DSCC1: variants seen among roughly 807,000 people sequenced by gnomAD.
DSCC1 encodes the protein sister chromatid cohesion protein DCC1.
In DSCC1, 32 loss-of-function variants were observed where a neutral mutation model predicts 48.2. The observed-to-expected ratio is 0.66, with a 90% CI of 0.50 to 0.89. The LOEUF is 0.89. Ranked by LOEUF, DSCC1 falls within the 40% of genes least tolerant of loss-of-function variation. The pLI is 0.00. For synonymous variants in DSCC1, 150 were observed against 171.5 expected, an observed-to-expected ratio of 0.87 and a Z score of 0.98; for missense variants, 421 against 471.7, an observed-to-expected ratio of 0.89 and a Z score of 1.00.
chr8:119,842,644 C>G (rs1826789939), intron 6 of DSCC1, 132 bp downstream of exon 6: 1 of 748,862 alleles, frequency 1.3e-6, no homozygotes, highest in African/African-American at 1.9e-5. Flanking sequence ...CTGCAGCCTT[C>G]CAAAGTGCTG....
At chr8:119,850,646 G>T (rs958237432) in intron 2 of DSCC1, 130 bp from the exon 3 acceptor site, 1 of 777,288 alleles carries the variant, frequency 1.3e-6, no homozygotes, top group Non-Finnish European at 1.9e-6. Context: ...TTTGTATCAG[G>T]AAGGTATTTA....
chr8:119,839,094 C>G (rs1826729963), intron 7 of DSCC1: 1 of 152,204 alleles, frequency 6.6e-6, no homozygotes, highest in Non-Finnish European at 1.5e-5. Flanking sequence ...CTCTCCATCC[C>G]TGACATCAGT....
chr8:119,846,970 ATAG>A lies in DSCC1; in HGVS notation c.577+17_577+19del. On this transcript the variant is annotated intron_variant, in intron 4 of 8. Transcript: ENST00000313655. ...GATGCCCAATTTCATCATTGTTAAA[ATAG>A]TAGTAAGTAACGCTACCTCCAATCT... 1 of 1,609,022 alleles carries A rather than the reference ATAG, an allele frequency of 6.2e-7. No individual in the cohort carries two copies. Among genetic ancestry groups the A allele is most frequent in the Middle Eastern group, 1.7e-4 (1 of 6,034 alleles).
chr8:119,843,119 A>T (rs867129133), intron 5 of DSCC1, among the ~76,000 whole-genome samples: 93 of 139,680 alleles, frequency 6.7e-4, no homozygotes, highest in South Asian at 2.0e-3. Context: ...GTTTTATTTT[A>T]TTTTTTTTTT....
chr8:119,847,944 C>G (rs1427428138), intron 3 of DSCC1, among the ~76,000 whole-genome samples: 3 of 151,726 alleles, frequency 2.0e-5, no homozygotes, highest in Admixed American at 2.0e-4. Context: ...GGATTACAGG[C>G]GTGAGCCACC....
Position 119,853,994 on chromosome 8 carries a change from G to A in DSCC1, c.183-779C>T, listed in dbSNP as rs76535715. On this transcript the variant is annotated intron_variant, in intron 1 of 8. Coordinates refer to ENST00000313655, the MANE Select transcript of DSCC1 (RefSeq NM_024094.3). ...GGAGGCTGAGGCCAGAAGATCGCTC[G>A]AGAGCAGGAGTTTGAGACCAGCCTG... 6.8e-3 allele frequency among the ~76,000 whole-genome samples: 1,038 copies of A among 152,276 alleles called. 8 individuals carry two copies. The highest frequency in any genetic ancestry group is 0.011 in the Non-Finnish European group (751 of 68,034).
chr8:119,855,049 T>A (rs1195058833), intron 1 of DSCC1, among the ~76,000 whole-genome samples: 1 of 152,098 alleles, frequency 6.6e-6, no homozygotes, highest in African/African-American at 2.4e-5. Context: ...AAGACTGCCT[T>A]TAAAAAACTA....
intron 3 of DSCC1, among the ~76,000 whole-genome samples, chr8:119,848,916 G>A (rs796387521): frequency 1.3e-5 from 2 of 151,994 alleles, no homozygotes; most frequent in African/African-American, 2.4e-5. Context: ...CGGGCGCGGT[G>A]GCTCAAGCCT....
chr8:119,835,190 T>G (rs901250023), intron 8 of DSCC1, among the ~76,000 whole-genome samples, 189 bp from the exon 9 acceptor site: 2 of 152,116 alleles, frequency 1.3e-5, no homozygotes, highest in Non-Finnish European at 2.9e-5. Flanking sequence ...ATTATATGTA[T>G]TGTCTCATTT....
rs1826651435 is a variant in DSCC1, at chr8:119,834,804, A to G, written c.*89T>C. The G allele has an allele frequency of 2.2e-6, 2 of 889,898 alleles. No homozygotes were observed. The highest frequency in any genetic ancestry group is 2.5e-5 in the East Asian group (1 of 39,396). The allele number at this position is 889,898 out of a possible 1,614,324, so 55.1% of individuals were successfully genotyped here. A position where few individuals can be genotyped will look rare whatever the true frequency, so the allele number is the denominator to read the frequency against. Reference sequence around the variant, plus strand: ...AATGCCTTAGAAGACTAGGTTTCTAAAAGTCAGAAATAAAAGTACAAGTTA... The same window carrying G: ...AATGCCTTAGAAGACTAGGTTTCTAGAAGTCAGAAATAAAAGTACAAGTTA... On this transcript the variant is annotated 3_prime_UTR_variant, in exon 9 of 9. Coordinates refer to ENST00000313655, the MANE Select transcript of DSCC1 (RefSeq NM_024094.3).
At chr8:119,843,084 ATAT>A (rs1826796600) in intron 5 of DSCC1, among the ~76,000 whole-genome samples, 1 of 151,494 alleles carries the variant, frequency 6.6e-6, no homozygotes, top group African/African-American at 2.4e-5. Context: ...TAGCTCAAAC[ATAT>A]TATTTCCTTT....
chr8:119,850,866 A>AAAAC (rs568145897), intron 2 of DSCC1, among the ~76,000 whole-genome samples: 2 of 152,218 alleles, frequency 1.3e-5, no homozygotes, highest in Non-Finnish European at 2.9e-5. Context: ...ACTTAGGCAA[A>AAAAC]AAACAAACAA....
chr8:119,855,567 T>G, intron 1 of DSCC1, 47 bp downstream of exon 1: 2 of 1,514,418 alleles, frequency 1.3e-6, no homozygotes, highest in Non-Finnish European at 1.8e-6. Flanking sequence ...GCTGAGAAAA[T>G]AACGTGGCCG....
Position 119,853,886 on chromosome 8 carries a change from T to C in DSCC1, c.183-671A>G, listed in dbSNP as rs188210885. 1.6e-4 allele frequency among the ~76,000 whole-genome samples: 25 copies of C among 152,324 alleles called. No homozygotes were observed. In the East Asian group the frequency reaches 4.4e-3, roughly 27 times the overall value. Reference sequence around the variant, plus strand: ...ATATGAAAAGGATATGTTTAAAAACTGTACTAAACCAAAGACTTTGACAAA... The same window carrying C: ...ATATGAAAAGGATATGTTTAAAAACCGTACTAAACCAAAGACTTTGACAAA... On this transcript the variant is annotated intron_variant, in intron 1 of 8. Transcript: ENST00000313655.
intron 7 of DSCC1, 100 bp downstream of exon 7, chr8:119,841,694 A>C: frequency 7.2e-7 from 1 of 1,384,654 alleles, no homozygotes; most frequent in South Asian, 1.4e-5. Flanking sequence ...ATGGGTGTCT[A>C]AGAAAAGAAA....
At chr8:119,847,996 TAC>T (rs1826885593) in intron 3 of DSCC1, among the ~76,000 whole-genome samples, 1 of 149,034 alleles carries the variant, frequency 6.7e-6, no homozygotes, top group Non-Finnish European at 1.5e-5. Context: ...TTTTTTTAAA[TAC>T]AGAGTCTCAC....
intron 3 of DSCC1, among the ~76,000 whole-genome samples, chr8:119,849,116 C>A (rs1157849687): frequency 7.1e-6 from 1 of 140,770 alleles, no homozygotes; most frequent in African/African-American, 2.6e-5. Context: ...ACCCGGGAGG[C>A]GGAGCTTGCA....
intron 7 of DSCC1, 140 bp downstream of exon 7, chr8:119,841,654 T>G: frequency 1.4e-6 from 1 of 708,290 alleles, no homozygotes; most frequent in Non-Finnish European, 2.2e-6. Context: ...TTAAGGACTA[T>G]GTGATGGATT....
intron 8 of DSCC1, among the ~76,000 whole-genome samples, chr8:119,836,395 G>T (rs1826683788): frequency 6.6e-6 from 1 of 152,120 alleles, no homozygotes; most frequent in African/African-American, 2.4e-5. Context: ...TGTCATTTTT[G>T]AATATTTAAA....
Sources: allele counts gnomAD v4.1 joint callset (sites outside exome capture counted in the v4.1 genomes callset), GRCh38; gene constraint gnomAD v4.1.1; transcripts MANE v1.5; gene names NCBI Gene and HGNC (gene_info 2026-07-23, HGNC 2026-07-21).